WDR25: variants seen among roughly 807,000 people sequenced by gnomAD.
WDR25 encodes the protein WD repeat-containing protein 25.
A neutral mutation model predicts 47.7 loss-of-function variants in WDR25; 35 were observed. The observed-to-expected ratio is 0.73, with a 90% CI of 0.56 to 0.97. The LOEUF (loss-of-function observed/expected upper bound fraction) is 0.97. Ranked by LOEUF, WDR25 falls within the 50% of genes least tolerant of loss-of-function variation. WDR25 has a pLI of 0.00. For synonymous variants in WDR25, 248 were observed against 278.9 expected, an observed-to-expected ratio of 0.89 and a Z score of 1.10; for missense variants, 634 against 704.7, an observed-to-expected ratio of 0.90 and a Z score of 1.14.
chr14:100,499,513 G>A lies in WDR25; in HGVS notation c.1101+15389G>A, dbSNP rs980518951. Among the ~76,000 whole-genome samples, 17 of 152,214 alleles carry A rather than the reference G, an allele frequency of 1.1e-4. No homozygotes were observed. The highest frequency in any genetic ancestry group is 3.9e-4 in the African/African-American group (16 of 41,456). ...CTTCCTTCCAGAAGTGGAAGTGCCA[G>A]CTAACCCTGAAGAATGGGTTCATTT... is the stretch of plus-strand genomic sequence containing the variant. On this transcript the variant is annotated intron_variant, in intron 4 of 6. Transcript: ENST00000402312. This position sits in a 1 kb window ranked among gnomAD's most constrained non-coding sequence, Gnocchi z 4.4.
Position 100,525,842 on chromosome 14 carries a change from C to T in WDR25, c.1102-28C>T. The T allele has an allele frequency of 6.2e-7, 1 of 1,608,936 alleles. No homozygotes were observed. Among genetic ancestry groups the T allele is most frequent in the Non-Finnish European group, 8.5e-7 (1 of 1,176,606 alleles). On this transcript the variant is annotated intron_variant, in intron 4 of 6. Transcript: ENST00000402312. The surrounding 1 kb of genome is among the most constrained non-coding windows in gnomAD (Gnocchi z 4.6). Reference sequence around the variant, plus strand: ...GCGCCTGTCCGTGCTGCCAGGCCTGCCAGCATGACCGGTGTCCGCTCTTGC... The same window carrying T: ...GCGCCTGTCCGTGCTGCCAGGCCTGTCAGCATGACCGGTGTCCGCTCTTGC...
intron 4 of WDR25, among the ~76,000 whole-genome samples, chr14:100,524,821 G>A (rs1462216516): frequency 6.6e-6 from 1 of 152,122 alleles, no homozygotes; most frequent in Non-Finnish European, 1.5e-5. Flanking sequence ...CCAGAGAATG[G>A]GCCTCAACCT....
chr14:100,471,397 A>G (rs1899828305), intron 3 of WDR25, among the ~76,000 whole-genome samples: 1 of 151,860 alleles, frequency 6.6e-6, no homozygotes, highest in Non-Finnish European at 1.5e-5. Context: ...TATGTCTCCT[A>G]CCTTATCTCT....
At chr14:100,456,218 G>A (rs1444157379) in intron 2 of WDR25, among the ~76,000 whole-genome samples, 3 of 152,114 alleles carry the variant, frequency 2.0e-5, no homozygotes, top group Admixed American at 2.0e-4. Flanking sequence ...ATGGTGACAT[G>A]CACCTGTAGT....
At position 100,521,165 on chromosome 14, in the gene WDR25, C is replaced by G. The variant is rs1016335586; in HGVS notation, c.1102-4705C>G. Among the ~76,000 whole-genome samples, 5 of 150,992 alleles carry G rather than the reference C, an allele frequency of 3.3e-5. No homozygotes were observed. The East Asian group carries it at 9.7e-4, about 29-fold the overall frequency. ...TTTTTAACCAGCTCCAACAAACACA[C>G]AGACACACACATAGACACACACACA... On this transcript the variant is annotated intron_variant, in intron 4 of 6. Transcript: ENST00000402312.
chr14:100,517,404 T>G lies in WDR25; in HGVS notation c.1102-8466T>G, dbSNP rs541300222. On this transcript the variant is annotated intron_variant, in intron 4 of 6. Transcript: ENST00000402312. ...CTTTGGATTATTTTAACATTTTTAT[T>G]ATATCATATTATTTTATCTATTAGC... 1.2e-4 allele frequency among the ~76,000 whole-genome samples: 18 copies of G among 152,272 alleles called. No homozygotes were observed. The South Asian group carries it at 3.5e-3, about 30-fold the overall frequency.
intron 2 of WDR25, among the ~76,000 whole-genome samples, chr14:100,431,383 AT>A (rs1898328927): frequency 6.6e-6 from 1 of 152,188 alleles, no homozygotes; most frequent in South Asian, 2.1e-4. Flanking sequence ...AGTAATATAC[AT>A]TTGATAAAAG....
Position 100,381,609 on chromosome 14 carries a change from T to A in WDR25, c.685T>A (p.Tyr229Asn), listed in dbSNP as rs767223271. 1 of 1,608,350 alleles carries A rather than the reference T, an allele frequency of 6.2e-7. No individual in the cohort carries two copies. Among genetic ancestry groups the A allele is most frequent in the Non-Finnish European group, 8.5e-7 (1 of 1,175,618 alleles). ...EFIQPYLNSH[Y>N]KETTVPRKVL... ...TATTCAGCCATATTTGAATAGCCATTATAAAGAAACCACAGTTCCCCGGAA... is the reference window on the plus strand; with the variant it reads ...TATTCAGCCATATTTGAATAGCCATAATAAAGAAACCACAGTTCCCCGGAA... The change falls in exon 2 of 7, where the codon TAT becomes AAT. Residue 229 changes from tyrosine (Y) to asparagine (N), a missense_variant. By Grantham distance (143) the Tyr-to-Asn change is moderately radical. Transcript: ENST00000402312.
chr14:100,402,993 C>T (rs753973338), intron 2 of WDR25, among the ~76,000 whole-genome samples: 1 of 152,108 alleles, frequency 6.6e-6, no homozygotes, highest in Non-Finnish European at 1.5e-5. Context: ...AGCTTCATTA[C>T]GTTCTTGACC....
intron 2 of WDR25, among the ~76,000 whole-genome samples, chr14:100,403,276 A>G (rs1897434126): frequency 6.6e-6 from 1 of 152,246 alleles, no homozygotes; most frequent in South Asian, 2.1e-4. Context: ...CCTAGGGAGC[A>G]TCAGCCTTGC....
intron 2 of WDR25, among the ~76,000 whole-genome samples, chr14:100,426,515 C>T (rs745870805): frequency 1.2e-4 from 19 of 152,148 alleles, no homozygotes; most frequent in African/African-American, 1.2e-4. Flanking sequence ...AGTACTCAGA[C>T]GCCTGCGTGC....
At chr14:100,443,131 C>A (rs1413033509) in intron 2 of WDR25, among the ~76,000 whole-genome samples, 1 of 152,212 alleles carries the variant, frequency 6.6e-6, no homozygotes, top group Non-Finnish European at 1.5e-5. Context: ...CACCTTAGGC[C>A]AGGGCAAGGT....
chr14:100,498,984 G>C lies in WDR25; in HGVS notation c.1101+14860G>C, dbSNP rs574916409. ...GGTGCAAGCAGGGTGTAGGGGTAGA[G>C]GCAAAAAAGGGCCTTGGAGACCTGG... On this transcript the variant is annotated intron_variant, in intron 4 of 6. Transcript: ENST00000402312. The surrounding 1 kb of genome is among the most constrained non-coding windows in gnomAD (Gnocchi z 4.2). 3.1e-4 allele frequency among the ~76,000 whole-genome samples: 47 copies of C among 152,180 alleles called. 1 individual carries two copies. Among genetic ancestry groups the C allele is most frequent in the South Asian group, 2.1e-3 (10 of 4,818 alleles).
intron 2 of WDR25, among the ~76,000 whole-genome samples, chr14:100,411,990 T>C (rs971347216): frequency 2.6e-5 from 4 of 152,108 alleles, no homozygotes; most frequent in African/African-American, 9.7e-5. Flanking sequence ...CTGTTTCCCT[T>C]AAAATGGTAA....
intron 4 of WDR25, among the ~76,000 whole-genome samples, chr14:100,524,486 G>A (rs528786809): frequency 5.3e-4 from 80 of 152,344 alleles, no homozygotes; most frequent in Admixed American, 1.6e-3. Flanking sequence ...CGTGGAGGAA[G>A]GCAGGCAGCC....
In WDR25 at chr14:100,488,728, A is replaced by G. The variant is rs1248059081; in HGVS notation, c.1101+4604A>G. Among the ~76,000 whole-genome samples, 1 of 152,162 alleles carries G rather than the reference A, an allele frequency of 6.6e-6. No individual in the cohort carries two copies. Among genetic ancestry groups the G allele is most frequent in the African/African-American group, 2.4e-5 (1 of 41,436 alleles). On this transcript the variant is annotated intron_variant, in intron 4 of 6. Transcript: ENST00000402312. This position sits in a 1 kb window ranked among gnomAD's most constrained non-coding sequence, Gnocchi z 4.2. ...TGGACCACATTTTGAGAAGCTAGGG[A>G]CCAAAGGGCCTCTGAAGTTAAAAGT... is the stretch of plus-strand genomic sequence containing the variant.
intron 2 of WDR25, among the ~76,000 whole-genome samples, chr14:100,429,283 G>A (rs1244955879): frequency 6.6e-6 from 1 of 152,184 alleles, no homozygotes; most frequent in Non-Finnish European, 1.5e-5. Flanking sequence ...AGGCCAGCCT[G>A]CCGTGGGGAG....
chr14:100,463,977 C>T (rs971790445), intron 2 of WDR25, among the ~76,000 whole-genome samples: 3 of 152,194 alleles, frequency 2.0e-5, no homozygotes, highest in Non-Finnish European at 2.9e-5. Context: ...CTTCCTTCAT[C>T]TCTCTTGCCC....
At position 100,502,720 on chromosome 14, in the gene WDR25, T is replaced by C. The variant is rs767712180; in HGVS notation, c.1101+18596T>C. Among the ~76,000 whole-genome samples, 1 of 152,094 alleles carries C rather than the reference T, an allele frequency of 6.6e-6. No homozygotes were observed. Among genetic ancestry groups the C allele is most frequent in the Non-Finnish European group, 1.5e-5 (1 of 68,018 alleles). ...AGAGTACATCGTGATGGGAACTGCT[T>C]GGGGGCTAATGAAAGACTCACAGAA... On this transcript the variant is annotated intron_variant, in intron 4 of 6. Transcript: ENST00000402312. This position sits in a 1 kb window ranked among gnomAD's most constrained non-coding sequence, Gnocchi z 4.5.
Sources: allele counts gnomAD v4.1 joint callset (sites outside exome capture counted in the v4.1 genomes callset), GRCh38; gene constraint gnomAD v4.1.1; non-coding constraint Gnocchi (gnomAD v3.1); transcripts MANE v1.5; gene names NCBI Gene and HGNC (gene_info 2026-07-23, HGNC 2026-07-21).